The following EPHX2 variants were observed in gnomAD, a reference collection of about 807,000 sequenced individuals.
EPHX2 encodes the protein epoxide hydrolase 2, also known as bifunctional epoxide hydrolase 2.
EPHX2 carries 74 observed loss-of-function variants against 78.7 expected under a neutral mutation model. The ratio of observed to expected loss-of-function variants is 0.94; its 90% CI spans 0.78 to 1.14. The LOEUF (loss-of-function observed/expected upper bound fraction) is 1.14, where lower values mean the gene tolerates loss of function less well. Ranked by LOEUF, EPHX2 falls within the 50% of genes most tolerant of loss-of-function variation. The probability of loss-of-function intolerance (pLI) is 0.00; values close to 1 mark genes in which losing one functional copy is unlikely to be tolerated. For missense variants in EPHX2, 715 were observed against 702.5 expected (o/e 1.02, Z -0.20); for synonymous variants, 251 against 255.2 (o/e 0.98, Z 0.16).
intron 1 of EPHX2, 102 bp downstream of exon 1, chr8:27,491,411 C>G: frequency 1.2e-6 from 1 of 856,152 alleles, no homozygotes; most frequent in Non-Finnish European, 1.7e-6. Flanking sequence ...TGCCGGAGCC[C>G]TGCGAATCAT....
At position 27,535,645 on chromosome 8, in the gene EPHX2, G is replaced by C. The variant is rs1351601560; in HGVS notation, c.1171-1139G>C. Among the ~76,000 whole-genome samples, 7 of 151,998 alleles carry C rather than the reference G, an allele frequency of 4.6e-5. No homozygotes were observed. In the East Asian group the frequency reaches 1.3e-3, roughly 29 times the overall value. ...TATGCTCCAAAAAGCCATGAACCAG[G>C]CTACCCCCACTAGGAGAGTAGGATC... On this transcript the variant is annotated intron_variant, in intron 12 of 18. Transcript: ENST00000521400.
At chr8:27,542,826 G>A (rs1815447136) in intron 16 of EPHX2, among the ~76,000 whole-genome samples, 1 of 152,108 alleles carries the variant, frequency 6.6e-6, no homozygotes, top group South Asian at 2.1e-4. Context: ...TGTTTTAGTA[G>A]AGATGGGGCT....
At chr8:27,512,081 G>T in intron 6 of EPHX2, 171 bp downstream of exon 6, 6 of 422,868 alleles carry the variant, frequency 1.4e-5, no homozygotes, top group South Asian at 4.2e-5. Flanking sequence ...CTGGGCAACG[G>T]AGTGAAACCC....
At chr8:27,516,081 C>T (rs1814441005) in intron 7 of EPHX2, among the ~76,000 whole-genome samples, 1 of 152,198 alleles carries the variant, frequency 6.6e-6, no homozygotes, top group Non-Finnish European at 1.5e-5. Context: ...TAGAAAGCTG[C>T]AAGAGCTTTG....
At chr8:27,503,809 C>G in intron 3 of EPHX2, 46 bp downstream of exon 3, 4 of 1,580,938 alleles carry the variant, frequency 2.5e-6, no homozygotes, top group Non-Finnish European at 3.4e-6. Context: ...CACCCAGAAC[C>G]CTCGGGAGCA....
intron 12 of EPHX2, among the ~76,000 whole-genome samples, chr8:27,528,074 T>C (rs1814910314): frequency 6.6e-6 from 1 of 152,040 alleles, no homozygotes. Flanking sequence ...GAGGGACAAA[T>C]CAGGATAGGC....
chr8:27,504,793 C>T, intron 3 of EPHX2, 163 bp from the exon 4 acceptor site: 2 of 722,976 alleles, frequency 2.8e-6, no homozygotes, highest in Non-Finnish European at 2.3e-6. Flanking sequence ...GTTCATGGGT[C>T]AAGATGATTC....
At chr8:27,523,206 G>A (rs762876459) in intron 11 of EPHX2, among the ~76,000 whole-genome samples, 6 of 152,136 alleles carry the variant, frequency 3.9e-5, no homozygotes, top group Non-Finnish European at 7.3e-5. Context: ...ACATCACTTC[G>A]CTTCTTAGGC....
chr8:27,532,539 G>A (rs1315142235), intron 12 of EPHX2, among the ~76,000 whole-genome samples: 1 of 152,038 alleles, frequency 6.6e-6, no homozygotes, highest in Admixed American at 6.6e-5. Context: ...TCAAAATCAG[G>A]GTCTCGGCAG....
chr8:27,505,137 C>T lies in EPHX2; in HGVS notation c.528C>T (p.Ser176=), dbSNP rs142716458. ...TTCTGCTGGACACCCTGAAGGCCAG[C>T]CCCAGTGAGGTACGGAGACACTTCC... ...YKFLLDTLKA[S]PSEVVFLDDI... Residue 176 remains serine, a synonymous_variant, in exon 4 of 19, where the codon AGC becomes AGT. Coordinates refer to ENST00000521400, the MANE Select transcript of EPHX2 (RefSeq NM_001979.6). 3.2e-4 allele frequency: 519 copies of T among 1,614,008 alleles called. 4 individuals carry two copies. In the African/African-American group the frequency reaches 6.2e-3, roughly 19 times the overall value.
At chr8:27,501,378 C>CT (rs1296205972) in intron 2 of EPHX2, among the ~76,000 whole-genome samples, 13 of 111,348 alleles carry the variant, frequency 1.2e-4, no homozygotes, top group South Asian at 5.4e-4. Context: ...TCTTCTTCTT[C>CT]TTCTTCTTCT....
chr8:27,500,953 A>G lies in EPHX2; in HGVS notation c.129A>G (p.Lys43=). 6.2e-7 allele frequency: 1 copy of G among 1,613,482 alleles called. No homozygotes were observed. Among genetic ancestry groups the G allele is most frequent in the Non-Finnish European group, 8.5e-7 (1 of 1,179,728 alleles). Reference sequence around the variant, plus strand: ...GACTTCTGAATGATGCTTTCCAGAAAGGGGGACCAGAGGGTGCCACTACCC... The same window carrying G: ...GACTTCTGAATGATGCTTTCCAGAAGGGGGGACCAGAGGGTGCCACTACCC... ...PRGLLNDAFQ[K]GGPEGATTRL... is the part of the protein sequence containing the mutation. The change falls in exon 2 of 19, where the codon AAA becomes AAG. Residue 43 remains lysine, a synonymous_variant. Transcript: ENST00000521400.
At chr8:27,507,562 A>G (rs1814061070) in intron 5 of EPHX2, among the ~76,000 whole-genome samples, 1 of 152,182 alleles carries the variant, frequency 6.6e-6, no homozygotes, top group African/African-American at 2.4e-5. Flanking sequence ...AGCCTTCTGC[A>G]GAAGTGCAGC....
At chr8:27,534,490 A>G (rs1815148143) in intron 12 of EPHX2, among the ~76,000 whole-genome samples, 1 of 152,124 alleles carries the variant, frequency 6.6e-6, no homozygotes, top group South Asian at 2.1e-4. Context: ...GTCTCTACTA[A>G]AAATACCAAA....
At chr8:27,522,962 C>CAAAAA (rs539360462) in intron 11 of EPHX2, among the ~76,000 whole-genome samples, 2 of 62,662 alleles carry the variant, frequency 3.2e-5, no homozygotes, top group East Asian at 5.5e-4. Flanking sequence ...ACTCCGTTTC[C>CAAAAA]AAAAAAAAAA....
chr8:27,526,845 G>A (rs1814862878), intron 12 of EPHX2, among the ~76,000 whole-genome samples: 1 of 152,156 alleles, frequency 6.6e-6, no homozygotes, highest in Non-Finnish European at 1.5e-5. Flanking sequence ...GACCTCTCCA[G>A]GCCCAGATGA....
chr8:27,501,614 T>G (rs1197091738), intron 2 of EPHX2, among the ~76,000 whole-genome samples: 1 of 151,986 alleles, frequency 6.6e-6, no homozygotes. Context: ...GGTTTCACCG[T>G]GTTACCCAGA....
Position 27,505,901 on chromosome 8 carries a change from C to T in EPHX2, c.537+755C>T, listed in dbSNP as rs545807310. Among the ~76,000 whole-genome samples the T allele has an allele frequency of 4.6e-5, 7 of 152,312 alleles. No individual in the cohort carries two copies. The South Asian group carries it at 1.2e-3, about 27-fold the overall frequency. ...GAGCTGCTTAGAATTCTAGACTTCC[C>T]TTGTCCAAGATGGTAAATGCATGCA... is the stretch of plus-strand genomic sequence containing the variant. On this transcript the variant is annotated intron_variant, in intron 4 of 18. Coordinates refer to ENST00000521400, the MANE Select transcript of EPHX2 (RefSeq NM_001979.6).
intron 12 of EPHX2, among the ~76,000 whole-genome samples, chr8:27,525,708 G>A (rs1160293679): frequency 6.6e-6 from 1 of 151,502 alleles, no homozygotes; most frequent in African/African-American, 2.4e-5. Context: ...TTGTACCCTG[G>A]GGGGATGGCT....
Sources: gnomAD v4.1 joint callset for allele counts (sites outside exome capture counted in the v4.1 genomes callset) on GRCh38, gnomAD v4.1.1 for gene constraint, MANE v1.5 for transcripts, NCBI Gene and HGNC (gene_info 2026-07-23, HGNC 2026-07-21) for gene names.